Variants in UBE2E2 observed in about 807,000 individuals in gnomAD.
The protein encoded by UBE2E2 is ubiquitin conjugating enzyme E2 E2, also known as ubiquitin-conjugating enzyme E2 E2.
A neutral mutation model predicts 24.7 loss-of-function variants in UBE2E2; 6 were observed. The observed-to-expected ratio is 0.24, with a 90% confidence interval of 0.13 to 0.48. UBE2E2 has a LOEUF of 0.48. UBE2E2 is among the 20% of genes least tolerant of loss of function. The pLI, the probability that UBE2E2 is intolerant of heterozygous loss-of-function variation, is 0.99. For missense variants in UBE2E2, 169 were observed against 245.0 expected, an observed-to-expected ratio of 0.69 and a Z score of 2.07; for synonymous variants, 104 against 83.6, an observed-to-expected ratio of 1.24 and a Z score of -1.33.
chr3:23,306,030 A>G (rs973667601), intron 3 of UBE2E2, among the ~76,000 whole-genome samples: 13 of 152,248 alleles, frequency 8.5e-5, no homozygotes, highest in Admixed American at 6.5e-4. Context: ...CATATTAACA[A>G]TTATCCTTAG....
intron 5 of UBE2E2, among the ~76,000 whole-genome samples, chr3:23,575,026 C>T (rs769277748): frequency 5.3e-5 from 8 of 152,304 alleles, no homozygotes; most frequent in Admixed American, 1.3e-4. Flanking sequence ...TAGGGCTACT[C>T]AGCCTGTATT....
intron 3 of UBE2E2, among the ~76,000 whole-genome samples, chr3:23,343,193 A>G (rs1293767508): frequency 2.6e-5 from 4 of 152,152 alleles, no homozygotes; most frequent in East Asian, 3.8e-4. Context: ...TGTTCATGAA[A>G]CATTGTGACA....
intron 3 of UBE2E2, among the ~76,000 whole-genome samples, chr3:23,447,424 T>C (rs529658651): frequency 6.6e-6 from 1 of 152,340 alleles, no homozygotes; most frequent in South Asian, 2.1e-4. Context: ...GACAAGTAGT[T>C]ATTGTGAGTT....
At chr3:23,307,171 G>A (rs1699259184) in intron 3 of UBE2E2, among the ~76,000 whole-genome samples, 2 of 152,042 alleles carry the variant, frequency 1.3e-5, no homozygotes, top group Admixed American at 6.6e-5. Flanking sequence ...TTTCCGTTTT[G>A]TCTTTCCATG....
chr3:23,224,157 T>C (rs1049911351), intron 3 of UBE2E2, among the ~76,000 whole-genome samples: 2 of 20,206 alleles, frequency 9.9e-5, no homozygotes, highest in African/African-American at 2.1e-4. Flanking sequence ...AAATTTTAGG[T>C]TTTTTTTTTT....
intron 5 of UBE2E2, among the ~76,000 whole-genome samples, chr3:23,584,603 G>A (rs1050178316): frequency 2.6e-5 from 4 of 151,740 alleles, no homozygotes; most frequent in Non-Finnish European, 5.9e-5. Context: ...CGCCCAGCTG[G>A]AGTACAGTGG....
chr3:23,508,651 C>A (rs1259554779), intron 4 of UBE2E2, among the ~76,000 whole-genome samples: 1 of 152,106 alleles, frequency 6.6e-6, no homozygotes, highest in South Asian at 2.1e-4. Context: ...TTATAAGAGC[C>A]CTGCCATAAA....
chr3:23,284,429 A>G (rs1164765611), intron 3 of UBE2E2, among the ~76,000 whole-genome samples: 10 of 152,018 alleles, frequency 6.6e-5, no homozygotes, highest in Non-Finnish European at 1.3e-4. Flanking sequence ...CATTGTTTTG[A>G]CTAATTGTTG....
At chr3:23,321,976 A>T (rs960551483) in intron 3 of UBE2E2, among the ~76,000 whole-genome samples, 1 of 152,124 alleles carries the variant, frequency 6.6e-6, no homozygotes, top group Non-Finnish European at 1.5e-5. Context: ...ATTTTTCAAC[A>T]TACTCAACTG....
At chr3:23,397,115 A>G (rs571777820) in intron 3 of UBE2E2, among the ~76,000 whole-genome samples, 1 of 152,200 alleles carries the variant, frequency 6.6e-6, no homozygotes, top group Non-Finnish European at 1.5e-5. Flanking sequence ...ATCTTGTCAT[A>G]TATGATCGAT....
chr3:23,277,506 A>G (rs1320433535), intron 3 of UBE2E2, among the ~76,000 whole-genome samples: 3 of 152,146 alleles, frequency 2.0e-5, no homozygotes, highest in African/African-American at 4.8e-5. Flanking sequence ...ACCACTGCTT[A>G]CTTTTTCTGG....
intron 1 of UBE2E2, among the ~76,000 whole-genome samples, chr3:23,206,721 A>G (rs1281734513): frequency 1.3e-5 from 2 of 152,238 alleles, no homozygotes; most frequent in South Asian, 2.1e-4. Context: ...ATTTCAGTCC[A>G]TTAAAGATCG....
chr3:23,270,326 T>A (rs1175102679), intron 3 of UBE2E2, among the ~76,000 whole-genome samples: 1 of 152,096 alleles, frequency 6.6e-6, no homozygotes, highest in Non-Finnish European at 1.5e-5. Context: ...GTGCCATGCA[T>A]GTGCTGCGAT....
At chr3:23,389,967 A>G (rs1696894692) in intron 3 of UBE2E2, 1 of 152,378 alleles carries the variant, frequency 6.6e-6, no homozygotes, top group Non-Finnish European at 1.5e-5. Context: ...GCAACCTGGA[A>G]CTGCTGCACC....
Position 23,285,796 on chromosome 3 carries a change from C to T in UBE2E2, c.227+68484C>T, listed in dbSNP as rs144259975. ...GCAACCTCTGCCTTTTGGGTTCAAG[C>T]GATTCTGTTTCTCAGCCACTCGAAT... On this transcript the variant is annotated intron_variant, in intron 3 of 5. Coordinates refer to ENST00000396703, the MANE Select transcript of UBE2E2 (RefSeq NM_152653.4). 8.3e-4 allele frequency among the ~76,000 whole-genome samples: 126 copies of T among 152,184 alleles called. No homozygotes were observed. The Middle Eastern group carries it at 0.02, about 25-fold the overall frequency.
chr3:23,454,910 T>TA (rs1314835598), intron 3 of UBE2E2, among the ~76,000 whole-genome samples: 2 of 152,246 alleles, frequency 1.3e-5, no homozygotes, highest in Non-Finnish European at 2.9e-5. Flanking sequence ...CTGTTTACCT[T>TA]ACGTTTTGCA....
chr3:23,375,590 G>T (rs1320663628), intron 3 of UBE2E2, among the ~76,000 whole-genome samples: 4 of 152,100 alleles, frequency 2.6e-5, no homozygotes, highest in African/African-American at 9.7e-5. Context: ...TTTCTGCTAG[G>T]CATACTCTTG....
chr3:23,238,672 T>C (rs1697180077), intron 3 of UBE2E2, among the ~76,000 whole-genome samples: 1 of 152,230 alleles, frequency 6.6e-6, no homozygotes, highest in African/African-American at 2.4e-5. Context: ...TGCATATTCA[T>C]AATGAGCGAT....
intron 3 of UBE2E2, among the ~76,000 whole-genome samples, chr3:23,417,203 C>T (rs1215332830): frequency 6.6e-6 from 1 of 152,188 alleles, no homozygotes; most frequent in African/African-American, 2.4e-5. Context: ...TACCTTTGTT[C>T]TTTGATGTTG....
Sources: allele counts gnomAD v4.1 joint callset (sites outside exome capture counted in the v4.1 genomes callset), GRCh38; gene constraint gnomAD v4.1.1; transcripts MANE v1.5; gene names NCBI Gene and HGNC (gene_info 2026-07-23, HGNC 2026-07-21).